RIMS2: variants seen among roughly 807,000 people sequenced by gnomAD.
The protein encoded by RIMS2 is regulating synaptic membrane exocytosis 2.
RIMS2 carries 59 observed loss-of-function variants against 174.4 expected under a neutral mutation model. That is an observed-to-expected ratio of 0.34 (90% CI 0.27 to 0.42). RIMS2 has a LOEUF of 0.42. Among genes scored for constraint, RIMS2 ranks in the 10% least tolerant of loss-of-function variants. The pLI is 1.00. For synonymous variants in RIMS2, 606 were observed against 572.5 expected, an observed-to-expected ratio of 1.06 and a Z score of -0.84; for missense variants, 1,620 against 1,666.3, an observed-to-expected ratio of 0.97 and a Z score of 0.48.
At chr8:103,701,038 T>C (rs894407652) in intron 2 of RIMS2, among the ~76,000 whole-genome samples, 1 of 152,080 alleles carries the variant, frequency 6.6e-6, no homozygotes, top group Non-Finnish European at 1.5e-5. Context: ...AAAAGATCTA[T>C]ATTTATTCTT....
At chr8:103,585,464 A>G (rs2093861357) in intron 1 of RIMS2, among the ~76,000 whole-genome samples, 1 of 152,218 alleles carries the variant, frequency 6.6e-6, no homozygotes, top group Admixed American at 6.5e-5. Context: ...TTACAATAGC[A>G]AAGACTTGAA....
At chr8:104,013,526 C>T (rs759966168) in exon 18 of RIMS2, 2 of 1,613,900 alleles carry the variant, frequency 1.2e-6, no homozygotes, top group Admixed American at 3.3e-5. Flanking sequence ...CCACCACCCG[C>T]TCCAGATCCA....
intron 19 of RIMS2, among the ~76,000 whole-genome samples, chr8:104,201,367 C>CA (rs760608739): frequency 6.6e-6 from 1 of 151,980 alleles, no homozygotes; most frequent in Non-Finnish European, 1.5e-5. Context: ...TCAGAACCAT[C>CA]AAAAAATTCT....
At chr8:103,777,467 T>C (rs1592140395) in intron 3 of RIMS2, among the ~76,000 whole-genome samples, 1 of 151,964 alleles carries the variant, frequency 6.6e-6, no homozygotes, top group African/African-American at 2.4e-5. Context: ...TGAAAGGAGT[T>C]TTGTACTGGC....
intron 1 of RIMS2, among the ~76,000 whole-genome samples, chr8:103,597,885 G>A (rs2094540111): frequency 6.6e-6 from 1 of 152,020 alleles, no homozygotes; most frequent in Admixed American, 6.6e-5. Context: ...GAACAAAGAT[G>A]TAAATTGAAA....
intron 1 of RIMS2, among the ~76,000 whole-genome samples, chr8:103,605,719 T>G (rs2095036997): frequency 6.6e-6 from 1 of 152,170 alleles, no homozygotes; most frequent in South Asian, 2.1e-4. Flanking sequence ...TCTTCCTGGT[T>G]TAGTCTTGGG....
intron 1 of RIMS2, among the ~76,000 whole-genome samples, chr8:103,658,994 G>A (rs13249502): frequency 0.18 from 26,919 of 152,156 alleles, 2,592 homozygotes; most frequent in African/African-American, 0.24. Flanking sequence ...TGGGTCCCCA[G>A]AAATGTTTAT....
chr8:104,004,575 A>C (rs971771068), intron 17 of RIMS2, among the ~76,000 whole-genome samples: 3 of 152,186 alleles, frequency 2.0e-5, no homozygotes, highest in African/African-American at 7.2e-5. Context: ...GAACTTATCA[A>C]GAAAGTGTGA....
At chr8:103,852,253 T>C (rs16870774) in intron 3 of RIMS2, among the ~76,000 whole-genome samples, 23,865 of 151,760 alleles carry the variant, frequency 0.16, 1,980 homozygotes, top group Middle Eastern at 0.25. Flanking sequence ...AGTATAGATA[T>C]AATAGTGATG....
chr8:104,095,175 A>G (rs1490897148), intron 19 of RIMS2, among the ~76,000 whole-genome samples: 1 of 152,178 alleles, frequency 6.6e-6, no homozygotes, highest in Non-Finnish European at 1.5e-5. Context: ...CTTACTTTAC[A>G]AGAAATATTA....
At chr8:103,751,354 C>A (rs1231677030) in intron 2 of RIMS2, among the ~76,000 whole-genome samples, 1 of 151,774 alleles carries the variant, frequency 6.6e-6, no homozygotes, top group African/African-American at 2.4e-5. Flanking sequence ...CATTGTTGGA[C>A]ATTTGGGTTG....
chr8:104,006,719 C>T (rs1198167444), intron 17 of RIMS2, among the ~76,000 whole-genome samples: 2 of 144,984 alleles, frequency 1.4e-5, no homozygotes, highest in Non-Finnish European at 3.0e-5. Flanking sequence ...TGTATTTTTA[C>T]ATATGCTTCC....
At chr8:103,920,193 C>A (rs1214953410) in intron 9 of RIMS2, among the ~76,000 whole-genome samples, 1 of 151,866 alleles carries the variant, frequency 6.6e-6, no homozygotes, top group Non-Finnish European at 1.5e-5. Flanking sequence ...TTTTCCAAGC[C>A]CCTGTCCTTA....
intron 17 of RIMS2, among the ~76,000 whole-genome samples, chr8:104,000,542 C>A (rs1229408280): frequency 6.6e-6 from 1 of 151,682 alleles, no homozygotes; most frequent in East Asian, 1.9e-4. Context: ...ATCTCTTCAA[C>A]ATACTGATTT....
At chr8:103,672,374 A>G (rs2096755434) in intron 1 of RIMS2, among the ~76,000 whole-genome samples, 1 of 152,100 alleles carries the variant, frequency 6.6e-6, no homozygotes, top group African/African-American at 2.4e-5. Flanking sequence ...AATAAATGCC[A>G]TTGATTAGGT....
intron 2 of RIMS2, among the ~76,000 whole-genome samples, chr8:103,756,105 G>A (rs61137924): frequency 0.15 from 22,812 of 152,094 alleles, 1,781 homozygotes; most frequent in Middle Eastern, 0.24. Flanking sequence ...CTACAGATGG[G>A]GTTTTGGTGT....
chr8:103,799,531 A>T (rs1310864823), intron 3 of RIMS2, among the ~76,000 whole-genome samples: 1 of 152,096 alleles, frequency 6.6e-6, no homozygotes, highest in East Asian at 1.9e-4. Flanking sequence ...TTATTTCACT[A>T]GTTTTGTTCT....
At chr8:103,597,278 A>G (rs1334701291) in intron 1 of RIMS2, among the ~76,000 whole-genome samples, 1 of 152,198 alleles carries the variant, frequency 6.6e-6, no homozygotes, top group African/African-American at 2.4e-5. Context: ...CTGAGAGAAT[A>G]CACATAGTAG....
At chr8:104,123,378 A>G (rs2098401178) in intron 19 of RIMS2, among the ~76,000 whole-genome samples, 1 of 152,036 alleles carries the variant, frequency 6.6e-6, no homozygotes, top group South Asian at 2.1e-4. Context: ...AGAATGCACT[A>G]GTTCATTCTA....
Sources: allele counts gnomAD v4.1 joint callset (sites outside exome capture counted in the v4.1 genomes callset), GRCh38; gene constraint gnomAD v4.1.1; transcripts MANE v1.5; gene names NCBI Gene and HGNC (gene_info 2026-07-23, HGNC 2026-07-21).